MS4A15: variants seen among roughly 807,000 people sequenced by gnomAD.
The protein encoded by MS4A15 is membrane spanning 4-domains A15, also known as membrane-spanning 4-domains subfamily A member 15.
In MS4A15, 22 loss-of-function variants were observed where a neutral mutation model predicts 20.6. The ratio of observed to expected loss-of-function variants is 1.07; its 90% confidence interval spans 0.76 to 1.52. The LOEUF (loss-of-function observed/expected upper bound fraction) is 1.52, where lower values mean the gene tolerates loss of function less well. Ranked by LOEUF, MS4A15 falls within the 40% of genes most tolerant of loss-of-function variation. The probability of loss-of-function intolerance (pLI) is 0.00; values close to 1 mark genes in which losing one functional copy is unlikely to be tolerated. For synonymous variants in MS4A15, 129 were observed against 129.3 expected, an observed-to-expected ratio of 1.00 and a Z score of 0.02; for missense variants, 312 against 323.0, an observed-to-expected ratio of 0.97 and a Z score of 0.26.
intron 2 of MS4A15, among the ~76,000 whole-genome samples, chr11:60,764,688 A>C (rs542384763): frequency 6.6e-6 from 1 of 152,350 alleles, no homozygotes; most frequent in South Asian, 2.1e-4. Context: ...AGGCAGGCAG[A>C]TCATGAAGTC....
intron 3 of MS4A15, among the ~76,000 whole-genome samples, chr11:60,768,158 A>C (rs908015069): frequency 6.6e-6 from 1 of 152,100 alleles, no homozygotes; most frequent in African/African-American, 2.4e-5. Context: ...TTGCCACTGC[A>C]CTCCAGCCTG....
intron 3 of MS4A15, among the ~76,000 whole-genome samples, chr11:60,769,628 T>C (rs143435401): frequency 6.3e-4 from 96 of 152,238 alleles, no homozygotes; most frequent in African/African-American, 2.3e-3. Context: ...AAAATGAAAC[T>C]CTTGATTCCT....
intron 4 of MS4A15, 164 bp downstream of exon 4, chr11:60,771,511 CTG>C (rs1854042137): frequency 1.3e-6 from 2 of 1,536,234 alleles, no homozygotes; most frequent in South Asian, 1.2e-5. Flanking sequence ...CAGACGCAGA[CTG>C]TGCATGTCCA....
chr11:60,759,486 G>A (rs952808461), intron 1 of MS4A15, among the ~76,000 whole-genome samples: 6 of 152,224 alleles, frequency 3.9e-5, no homozygotes, highest in Admixed American at 1.3e-4. Flanking sequence ...ATATGGCCTC[G>A]TGGGATTGGA....
At chr11:60,758,259 A>T (rs947292557) in intron 1 of MS4A15, among the ~76,000 whole-genome samples, 29 of 63,132 alleles carry the variant, frequency 4.6e-4, no homozygotes, top group Middle Eastern at 0.018. Context: ...ATACAAACAT[A>T]AAAAAAAAAA....
chr11:60,771,277 C>T lies in MS4A15; in HGVS notation c.349-14C>T, dbSNP rs374260188. ...CCTGGCTGAGGCCTCACCTGGTCCC[C>T]TCTCCCCATACAGTTCATCATCTCC... On this transcript the variant is annotated splice_polypyrimidine_tract_variant and intron_variant, in intron 3 of 6. Transcript: ENST00000405633. 27 of 1,613,304 alleles carry T rather than the reference C, an allele frequency of 1.7e-5. No homozygotes were observed. In the African/African-American group the frequency reaches 3.1e-4, roughly 18 times the overall value.
rs770712777 is a variant in MS4A15, at chr11:60,773,890, C to A, written c.552C>A (p.Phe184Leu). The A allele has an allele frequency of 7.9e-5, 127 of 1,614,058 alleles. No individual in the cohort carries two copies. The highest frequency in any genetic ancestry group is 1.1e-4 in the Non-Finnish European group (124 of 1,180,042). ...TTACTATCTTCACTGTCCTGGAGTT[C>A]TTCACAGCGGTCATTGCCATGCACT... ...AVLTIFTVLEFFTAVIAMHFG... is the reference protein window; with the variant it reads ...AVLTIFTVLELFTAVIAMHFG... Residue 184 changes from phenylalanine (F) to leucine (L), a missense_variant, in exon 6 of 7, where the codon TTC becomes TTA. Physicochemically the swap from Phe to Leu is conservative, Grantham distance 22. Coordinates refer to ENST00000405633, the MANE Select transcript of MS4A15 (RefSeq NM_001098835.2).
At chr11:60,771,477 G>A in intron 4 of MS4A15, 130 bp downstream of exon 4, 1 of 1,545,728 alleles carries the variant, frequency 6.5e-7, no homozygotes. Context: ...AAAGTGCCAG[G>A]GGAGGGGCAC....
At chr11:60,767,338 T>A (rs1853907333) in intron 2 of MS4A15, among the ~76,000 whole-genome samples, 195 bp from the exon 3 acceptor site, 1 of 152,244 alleles carries the variant, frequency 6.6e-6, no homozygotes, top group African/African-American at 2.4e-5. Flanking sequence ...TCCCGTAGGC[T>A]GCGGGGAACT....
chr11:60,771,185 C>A, intron 3 of MS4A15, 106 bp from the exon 4 acceptor site: 1 of 1,306,152 alleles, frequency 7.7e-7, no homozygotes, highest in Non-Finnish European at 1.1e-6. Flanking sequence ...AAAGTGGCAT[C>A]AGGAGGCTGT....
chr11:60,768,051 G>A (rs1204875661), intron 3 of MS4A15, among the ~76,000 whole-genome samples: 1 of 152,120 alleles, frequency 6.6e-6, no homozygotes, highest in African/African-American at 2.4e-5. Flanking sequence ...AAATTAGCCG[G>A]GCACGGTGGT....
At position 60,761,422 on chromosome 11, in the gene MS4A15, C is replaced by T. The variant is rs148074763; in HGVS notation, c.-28-2284C>T. Reference sequence around the variant, plus strand: ...ACAAGTGCCTGATCTTCCTATATGCCGTCTGAGTAGGGACTGGGGATATAA... The same window carrying T: ...ACAAGTGCCTGATCTTCCTATATGCTGTCTGAGTAGGGACTGGGGATATAA... On this transcript the variant is annotated intron_variant, in intron 1 of 6. Transcript: ENST00000405633. Among the ~76,000 whole-genome samples, 270 of 152,246 alleles carry T rather than the reference C, an allele frequency of 1.8e-3. 1 individual carries two copies. Among genetic ancestry groups the T allele is most frequent in the African/African-American group, 6.5e-3 (268 of 41,530 alleles).
At chr11:60,764,311 G>A (rs1853827842) in intron 2 of MS4A15, among the ~76,000 whole-genome samples, 1 of 152,196 alleles carries the variant, frequency 6.6e-6, no homozygotes, top group South Asian at 2.1e-4. Flanking sequence ...TAGTGGAAGG[G>A]CTGGAGAGGG....
chr11:60,763,985 G>A, intron 2 of MS4A15, 27 bp downstream of exon 2: 2 of 1,585,600 alleles, frequency 1.3e-6, no homozygotes, highest in Non-Finnish European at 1.7e-6. Flanking sequence ...TGCACAACCT[G>A]AGGCAGGTAG....
At chr11:60,766,888 G>A (rs1390471023) in intron 2 of MS4A15, among the ~76,000 whole-genome samples, 2 of 152,156 alleles carry the variant, frequency 1.3e-5, no homozygotes, top group Non-Finnish European at 2.9e-5. Context: ...GGATTCCAGC[G>A]GTCTTCAACA....
At chr11:60,769,988 T>C (rs1209505521) in intron 3 of MS4A15, among the ~76,000 whole-genome samples, 2 of 152,134 alleles carry the variant, frequency 1.3e-5, no homozygotes, top group Non-Finnish European at 2.9e-5. Flanking sequence ...CCCCTGCAAA[T>C]TGCAGACCTG....
intron 3 of MS4A15, among the ~76,000 whole-genome samples, chr11:60,768,176 G>C (rs144012877): frequency 5.3e-5 from 8 of 152,140 alleles, no homozygotes; most frequent in Non-Finnish European, 7.3e-5. Flanking sequence ...CTGGGCAACA[G>C]AGCAAGACTC....
chr11:60,760,098 C>T (rs948693841), intron 1 of MS4A15, among the ~76,000 whole-genome samples: 4 of 152,180 alleles, frequency 2.6e-5, no homozygotes, highest in African/African-American at 9.7e-5. Context: ...GAGGGGCAAG[C>T]CCCCTTCGAT....
At position 60,773,879 on chromosome 11, in the gene MS4A15, G is replaced by C. The variant is rs756045929; in HGVS notation, c.541G>C (p.Val181Leu). The change falls in exon 6 of 7, where the codon GTC becomes CTC. Residue 181 changes from valine to leucine, a missense_variant. Physicochemically the swap from Val to Leu is conservative, Grantham distance 32. Coordinates refer to ENST00000405633, the MANE Select transcript of MS4A15 (RefSeq NM_001098835.2). ...GYLAVLTIFTVLEFFTAVIAM... is the reference protein window; with the variant it reads ...GYLAVLTIFTLLEFFTAVIAM... The stretch of plus-strand genomic sequence containing the variant: ...TCTGGCCGTGCTTACTATCTTCACT[G>C]TCCTGGAGTTCTTCACAGCGGTCAT... The C allele has an allele frequency of 6.2e-7, 1 of 1,614,190 alleles. No individual in the cohort carries two copies. Among genetic ancestry groups the C allele is most frequent in the Non-Finnish European group, 8.5e-7 (1 of 1,180,038 alleles).
Sources: allele counts gnomAD v4.1 joint callset (sites outside exome capture counted in the v4.1 genomes callset), GRCh38; gene constraint gnomAD v4.1.1; transcripts MANE v1.5; gene names NCBI Gene and HGNC (gene_info 2026-07-23, HGNC 2026-07-21).